The following NUP58 variants were observed in gnomAD, a reference collection of about 807,000 sequenced individuals.
NUP58 encodes nucleoporin p58/p45.
In NUP58, 17 loss-of-function variants were observed where a neutral mutation model predicts 70.1. The observed-to-expected ratio is 0.24, with a 90% CI of 0.17 to 0.36. The LOEUF (loss-of-function observed/expected upper bound fraction) is 0.36, where lower values mean the gene tolerates loss of function less well. Ranked by LOEUF, NUP58 falls within the 10% of genes least tolerant of loss-of-function variation. The pLI, the probability that NUP58 is intolerant of heterozygous loss-of-function variation, is 1.00. For synonymous variants in NUP58, 275 were observed against 257.6 expected, an observed-to-expected ratio of 1.07 and a Z score of -0.65; for missense variants, 644 against 701.5, an observed-to-expected ratio of 0.92 and a Z score of 0.93.
At chr13:25,314,675 A>C (rs1166985193) in intron 5 of NUP58, among the ~76,000 whole-genome samples, 1 of 152,184 alleles carries the variant, frequency 6.6e-6, no homozygotes, top group Non-Finnish European at 1.5e-5. Context: ...AGCCTGGGCA[A>C]CAAGAGCGAA....
chr13:25,304,643 A>G (rs528233972), intron 1 of NUP58, among the ~76,000 whole-genome samples: 2 of 150,932 alleles, frequency 1.3e-5, no homozygotes, highest in East Asian at 3.9e-4. Context: ...CAGCCTCCCA[A>G]ATAGCTGGGA....
intron 14 of NUP58, among the ~76,000 whole-genome samples, chr13:25,338,103 T>G (rs2031847177): frequency 6.6e-6 from 1 of 152,200 alleles, no homozygotes; most frequent in South Asian, 2.1e-4. Flanking sequence ...GGCAGGAATC[T>G]ACTGTTACTG....
intron 9 of NUP58, among the ~76,000 whole-genome samples, chr13:25,324,311 C>T (rs954114550): frequency 1.3e-5 from 2 of 151,910 alleles, no homozygotes; most frequent in South Asian, 2.1e-4. Context: ...AAATAGAGGT[C>T]GAAAATATAG....
Position 25,341,661 on chromosome 13 carries a change from T to G in NUP58, c.*1527T>G, listed in dbSNP as rs996514326. 1.3e-5 allele frequency: 2 copies of G among 152,622 alleles called. No individual in the cohort carries two copies. Among genetic ancestry groups the G allele is most frequent in the Admixed American group, 6.5e-5 (1 of 15,278 alleles). 9.5% of individuals were successfully genotyped at this position (152,622 alleles called of 1,614,324 possible). A position where few individuals can be genotyped will look rare whatever the true frequency, so the allele number is the denominator to read the frequency against. ...ATCTGTATATTTGACTACATTAGTATTAGTGACATCAGGTGGATATAAAAG... is the reference window on the plus strand; with the variant it reads ...ATCTGTATATTTGACTACATTAGTAGTAGTGACATCAGGTGGATATAAAAG... On this transcript the variant is annotated 3_prime_UTR_variant, in exon 16 of 16. Coordinates refer to ENST00000381736, the MANE Select transcript of NUP58 (RefSeq NM_014089.4).
intron 15 of NUP58, chr13:25,339,004 A>T (rs2031875133): frequency 4.3e-6 from 1 of 230,670 alleles, no homozygotes; most frequent in African/African-American, 2.3e-5. Flanking sequence ...AACTCTAGTG[A>T]CTAACTTCAT....
At chr13:25,344,686 A>G (rs1003275071), downstream of NUP58, among the ~76,000 whole-genome samples, 1 of 152,216 alleles carries the variant, frequency 6.6e-6, no homozygotes, top group Non-Finnish European at 1.5e-5. Flanking sequence ...GCACAGCATG[A>G]TACATGCATC....
At chr13:25,332,158 C>T in intron 13 of NUP58, 1 of 986,272 alleles carries the variant, frequency 1.0e-6, no homozygotes, top group Non-Finnish European at 1.2e-6. Flanking sequence ...GTGAACAGAA[C>T]AGCAAGAGCA....
At chr13:25,319,501 C>T (rs528618487) in intron 7 of NUP58, 151 bp downstream of exon 7, 14 of 638,818 alleles carry the variant, frequency 2.2e-5, no homozygotes, top group South Asian at 4.1e-5. Context: ...AAATAATAGA[C>T]GTATGTTCTG....
At chr13:25,304,520 A>ATATATATAT (rs1346828407) in intron 1 of NUP58, among the ~76,000 whole-genome samples, 1 of 93,272 alleles carries the variant, frequency 1.1e-5, no homozygotes, top group East Asian at 3.6e-4. Context: ...ATATATATGT[A>ATATATATAT]TTTTTTTTTT....
At chr13:25,332,275 T>C (rs2031635812) in intron 13 of NUP58, 6 of 985,420 alleles carry the variant, frequency 6.1e-6, no homozygotes, top group Non-Finnish European at 7.2e-6. Flanking sequence ...ATTTCTTGGT[T>C]TAGTTACACT....
At chr13:25,302,665 G>T (rs2030085555) in intron 1 of NUP58, among the ~76,000 whole-genome samples, 1 of 152,130 alleles carries the variant, frequency 6.6e-6, no homozygotes, top group Non-Finnish European at 1.5e-5. Flanking sequence ...TAAGATAAAG[G>T]TGGAGGGGTT....
chr13:25,305,579 C>T (rs1449261228), intron 1 of NUP58, among the ~76,000 whole-genome samples: 5 of 152,142 alleles, frequency 3.3e-5, no homozygotes, highest in Admixed American at 3.3e-4. Flanking sequence ...CAGTACTTCT[C>T]CTTTTACCTA....
chr13:25,315,577 C>A, intron 6 of NUP58, 110 bp downstream of exon 6: 1 of 718,078 alleles, frequency 1.4e-6, no homozygotes, highest in Non-Finnish European at 2.4e-6. Flanking sequence ...TTAGTAGTAA[C>A]AGTTAGCTAT....
Position 25,331,302 on chromosome 13 carries a change from T to A in NUP58, c.1234-55T>A, listed in dbSNP as rs966393047. ...ATTTATGGTTATATTCATCCACATA[T>A]TAACCATAGTCAATGTGAAACTTCA... On this transcript the variant is annotated intron_variant, in intron 12 of 15. Transcript: ENST00000381736. 12 of 1,495,746 alleles carry A rather than the reference T, an allele frequency of 8.0e-6. 1 individual carries two copies. In the South Asian group the frequency reaches 1.4e-4, roughly 17 times the overall value. The allele number at this position is 1,495,746 out of a possible 1,614,324, so 92.7% of individuals were successfully genotyped here.
At chr13:25,301,987 G>C in intron 1 of NUP58, 107 bp downstream of exon 1, 2 of 746,960 alleles carry the variant, frequency 2.7e-6, no homozygotes, top group Non-Finnish European at 4.3e-6. Context: ...TTCCTTCCCA[G>C]TGGGGCTGGA....
downstream of NUP58, among the ~76,000 whole-genome samples, chr13:25,343,402 C>T (rs547416821): frequency 1.1e-4 from 17 of 151,250 alleles, no homozygotes; most frequent in Middle Eastern, 3.5e-3. Context: ...TATACATGTG[C>T]AGTTTCTTCT....
intron 12 of NUP58, among the ~76,000 whole-genome samples, chr13:25,328,035 C>T (rs1380596242): frequency 1.3e-5 from 2 of 151,938 alleles, no homozygotes; most frequent in Non-Finnish European, 2.9e-5. Flanking sequence ...CCCGTCTCTA[C>T]TAAAATTACA....
intron 2 of NUP58, chr13:25,308,209 C>T (rs894204542): frequency 1.0e-4 from 29 of 285,372 alleles, no homozygotes; most frequent in African/African-American, 5.6e-4. Flanking sequence ...TAGTGTTTTT[C>T]CTTAGTGGAG....
At chr13:25,345,271 A>G (rs1353752624), downstream of NUP58, among the ~76,000 whole-genome samples, 3 of 152,132 alleles carry the variant, frequency 2.0e-5, no homozygotes, top group Non-Finnish European at 4.4e-5. Flanking sequence ...CCAAAGCACA[A>G]TATTTTACTG....
Sources: gnomAD v4.1 joint callset for allele counts (sites outside exome capture counted in the v4.1 genomes callset) on GRCh38, gnomAD v4.1.1 for gene constraint, MANE v1.5 for transcripts, NCBI Gene and HGNC (gene_info 2026-07-23, HGNC 2026-07-21) for gene names.